Variants in NXPE2 observed in about 807,000 individuals in gnomAD.
The protein encoded by NXPE2 is NXPE family member 2.
NXPE2 carries 34 observed loss-of-function variants against 34.4 expected under a neutral mutation model. The ratio of observed to expected loss-of-function variants is 0.99; its 90% CI spans 0.75 to 1.31. NXPE2 has a LOEUF of 1.31. NXPE2 is among the 40% of genes most tolerant of loss of function. The pLI, the probability that NXPE2 is intolerant of heterozygous loss-of-function variation, is 0.00. For missense variants in NXPE2, 649 were observed against 672.5 expected, an observed-to-expected ratio of 0.97 and a Z score of 0.39; for synonymous variants, 235 against 231.3, an observed-to-expected ratio of 1.02 and a Z score of -0.15.
the NXPE2 span, among the ~76,000 whole-genome samples, chr11:114,509,692 T>C: frequency 6.6e-6 from 1 of 152,118 alleles, no homozygotes; most frequent in Non-Finnish European, 1.5e-5. Context: ...ATACCACATG[T>C]TCTCACTTAT....
At chr11:114,762,215 G>A in the NXPE2 span, among the ~76,000 whole-genome samples, 2 of 152,156 alleles carry the variant, frequency 1.3e-5, no homozygotes, top group Non-Finnish European at 2.9e-5. Flanking sequence ...AGATGGGCCT[G>A]GGTTGGGAAG....
chr11:114,730,305 C>CT, the NXPE2 span, among the ~76,000 whole-genome samples: 9 of 152,008 alleles, frequency 5.9e-5, no homozygotes, highest in Non-Finnish European at 4.4e-5. Flanking sequence ...GTTACTGTAG[C>CT]TTATATGATA....
At chr11:114,582,505 T>C in the NXPE2 span, 1 of 1,614,084 alleles carries the variant, frequency 6.2e-7, no homozygotes, top group Admixed American at 1.7e-5. Flanking sequence ...AACTGGCCAG[T>C]GAAGATCACC....
chr11:114,617,036 C>T, the NXPE2 span, among the ~76,000 whole-genome samples: 11 of 151,440 alleles, frequency 7.3e-5, no homozygotes, highest in African/African-American at 4.9e-5. Flanking sequence ...TCGTGGGTAA[C>T]CTCTGTTACC....
the NXPE2 span, among the ~76,000 whole-genome samples, chr11:114,639,060 G>T: frequency 6.6e-6 from 1 of 152,068 alleles, no homozygotes; most frequent in South Asian, 2.1e-4. Flanking sequence ...TCTGTGCCCT[G>T]CCCCCAGAGG....
chr11:114,767,565 TG>T, the NXPE2 span, among the ~76,000 whole-genome samples: 1 of 152,168 alleles, frequency 6.6e-6, no homozygotes, highest in Admixed American at 6.5e-5. Flanking sequence ...GTGAGTTTAC[TG>T]AGAGTGGAGA....
intron 2 of NXPE2, among the ~76,000 whole-genome samples, chr11:114,683,746 T>C (rs921399854): frequency 1.3e-5 from 2 of 152,166 alleles, no homozygotes; most frequent in African/African-American, 4.8e-5. Context: ...TGGTACATAG[T>C]AGATACTTAA....
chr11:114,663,694 C>T, the NXPE2 span, among the ~76,000 whole-genome samples: 6 of 151,000 alleles, frequency 4.0e-5, no homozygotes, highest in Non-Finnish European at 7.4e-5. Context: ...ATCTATCTAT[C>T]TATCTATCTA....
chr11:114,736,547 T>C, the NXPE2 span, among the ~76,000 whole-genome samples: 1 of 152,224 alleles, frequency 6.6e-6, no homozygotes, highest in Admixed American at 6.5e-5. Flanking sequence ...TATCCTGTTC[T>C]TTTTTCAAGG....
At chr11:114,583,338 C>A in the NXPE2 span, 1 of 620,834 alleles carries the variant, frequency 1.6e-6, no homozygotes, top group Non-Finnish European at 3.1e-6. Flanking sequence ...CAAGCCCACC[C>A]AAGGAATCCT....
chr11:114,523,205 C>A, the NXPE2 span: 5 of 706,398 alleles, frequency 7.1e-6, no homozygotes, highest in Non-Finnish European at 9.6e-6. Context: ...TGCCTATTTC[C>A]TTTTTCTGTC....
chr11:114,763,467 T>C, the NXPE2 span, among the ~76,000 whole-genome samples: 2 of 152,214 alleles, frequency 1.3e-5, no homozygotes, highest in African/African-American at 4.8e-5. Flanking sequence ...TACACTTCCA[T>C]TAGCTATTTT....
At chr11:114,636,690 A>G in the NXPE2 span, among the ~76,000 whole-genome samples, 2 of 152,040 alleles carry the variant, frequency 1.3e-5, no homozygotes, top group Non-Finnish European at 2.9e-5. Context: ...TTCAAAGAAC[A>G]TCTTTATTTC....
At chr11:114,518,854 G>A in the NXPE2 span, among the ~76,000 whole-genome samples, 5 of 152,174 alleles carry the variant, frequency 3.3e-5, no homozygotes, top group Non-Finnish European at 7.4e-5. Flanking sequence ...AATTTCTTGA[G>A]TTTACTGTGA....
chr11:114,647,982 G>A, the NXPE2 span, among the ~76,000 whole-genome samples: 4 of 152,130 alleles, frequency 2.6e-5, no homozygotes, highest in East Asian at 5.8e-4. Context: ...TTACAGGCAT[G>A]AGCCACTGTT....
the NXPE2 span, among the ~76,000 whole-genome samples, chr11:114,589,196 C>T: frequency 6.6e-6 from 1 of 152,110 alleles, no homozygotes; most frequent in Non-Finnish European, 1.5e-5. Flanking sequence ...GATCAGACTG[C>T]CCCCAGAGAT....
chr11:114,551,968 C>T, the NXPE2 span: 5 of 152,140 alleles, frequency 3.3e-5, no homozygotes, highest in East Asian at 9.7e-4. Context: ...CCTCTTTGTC[C>T]CTTACCAAAT....
chr11:114,493,276 T>C, the NXPE2 span, among the ~76,000 whole-genome samples: 1 of 152,216 alleles, frequency 6.6e-6, no homozygotes, highest in Non-Finnish European at 1.5e-5. Flanking sequence ...TCAGCCACTC[T>C]GTTACTTTTG....
At chr11:114,561,435 T>C in the NXPE2 span, among the ~76,000 whole-genome samples, 1 of 152,226 alleles carries the variant, frequency 6.6e-6, no homozygotes, top group Non-Finnish European at 1.5e-5. Flanking sequence ...TATTGTTTGT[T>C]ACCTTGGTTT....
Sources: gnomAD v4.1 joint callset for allele counts (sites outside exome capture counted in the v4.1 genomes callset) on GRCh38, gnomAD v4.1.1 for gene constraint, MANE v1.5 for transcripts, NCBI Gene and HGNC (gene_info 2026-07-23, HGNC 2026-07-21) for gene names.